Variants in MBNL3 observed in about 807,000 individuals in gnomAD.
The protein encoded by MBNL3 is muscleblind like splicing regulator 3.
Under a neutral mutation model 24.5 loss-of-function variants are expected in MBNL3, and 6 were observed. The ratio of observed to expected loss-of-function variants is 0.25; its 90% CI spans 0.13 to 0.48. MBNL3 has a LOEUF of 0.48. Ranked by LOEUF, MBNL3 falls within the 20% of genes least tolerant of loss-of-function variation. The pLI is 0.99. For synonymous variants in MBNL3, 100 were observed against 101.7 expected, an observed-to-expected ratio of 0.98 and a Z score of 0.10; for missense variants, 230 against 293.5, an observed-to-expected ratio of 0.78 and a Z score of 1.58.
At position 132,465,091 on chromosome X, in the gene MBNL3, A is replaced by G. The variant is rs184180104; in HGVS notation, c.-704+23760T>C. Among the ~76,000 whole-genome samples the G allele has an allele frequency of 2.9e-3, 325 of 111,414 alleles. 2 individuals carry two copies. Among genetic ancestry groups the G allele is most frequent in the African/African-American group, 0.01 (317 of 30,673 alleles). On this transcript the variant is annotated intron_variant, in intron 1 of 8. Transcript: ENST00000370853. ...AAAACTTTTTAAAAAGGGAAGTAAA[A>G]CAGACTTTTTGGTGCTAAGCACATA...
chrX:132,425,861 G>A (rs1213281017), intron 2 of MBNL3, among the ~76,000 whole-genome samples: 1 of 111,941 alleles, frequency 8.9e-6, no homozygotes, highest in Non-Finnish European at 1.9e-5. Flanking sequence ...CACTGAAAAT[G>A]TAACAGTTGG....
rs375232535 is a variant in MBNL3 at position 132,450,063 on chromosome X, A to C, written c.-703-9749T>G. Reference sequence around the variant, plus strand: ...GTCTGATGGGCTTCCCTTTGCGGGTAACCCGACCTTTCTCTTTGGCTGCCC... The same window carrying C: ...GTCTGATGGGCTTCCCTTTGCGGGTCACCCGACCTTTCTCTTTGGCTGCCC... On this transcript the variant is annotated intron_variant, in intron 1 of 8. Coordinates refer to ENST00000370853, the MANE Select transcript of MBNL3 (RefSeq NM_001386889.1). Among the ~76,000 whole-genome samples, 16 of 94,150 alleles carry C rather than the reference A, an allele frequency of 1.7e-4. No homozygotes were observed. In the East Asian group the frequency reaches 2.1e-3, roughly 12 times the overall value. The allele number at this position is 94,150 out of a possible 115,157, so 81.8% of individuals were successfully genotyped here.
At chrX:132,390,504 A>T (rs1937022004) in intron 5 of MBNL3, among the ~76,000 whole-genome samples, 1 of 110,744 alleles carries the variant, frequency 9.0e-6, no homozygotes, top group Admixed American at 9.7e-5. Context: ...CACAGAGCAG[A>T]GGCAACTTTC....
chrX:132,449,460 C>T lies in MBNL3; in HGVS notation c.-703-9146G>A, dbSNP rs1167434369. 6.6e-5 allele frequency among the ~76,000 whole-genome samples: 5 copies of T among 75,496 alleles called. No homozygotes were observed. The East Asian group carries it at 2.0e-3, about 30-fold the overall frequency. The allele number at this position is 75,496 out of a possible 115,157, so 65.6% of individuals were successfully genotyped here. On this transcript the variant is annotated intron_variant, in intron 1 of 8. Coordinates refer to ENST00000370853, the MANE Select transcript of MBNL3 (RefSeq NM_001386889.1). Reference sequence around the variant, plus strand: ...TTTATCAGAGACTAGGATTGCAACCCCTGCTTTTTTTTTTTTTTTTTTTTT... The same window carrying T: ...TTTATCAGAGACTAGGATTGCAACCTCTGCTTTTTTTTTTTTTTTTTTTTT...
rs758555709 is a variant in MBNL3, at chrX:132,396,959, CATATATATATGAAT to C, written c.343-4639_343-4626del. Among the ~76,000 whole-genome samples, 1,154 of 72,976 alleles carry C rather than the reference CATATATATATGAAT, an allele frequency of 0.016. 86 individuals carry two copies. In the Admixed American group the frequency reaches 0.16, roughly 10 times the overall value. 63.4% of individuals were successfully genotyped at this position (72,976 alleles called of 115,157 possible). The stretch of plus-strand genomic sequence containing the variant: ...ATTCATATATATATTCATATATATT[CATATATATATGAAT>C]ATATATGAATATATATGTATATGAA... On this transcript the variant is annotated intron_variant, in intron 3 of 8. Transcript: ENST00000370853.
At chrX:132,440,875 C>T (rs372508951) in intron 1 of MBNL3, among the ~76,000 whole-genome samples, 8 of 112,639 alleles carry the variant, frequency 7.1e-5, no homozygotes, top group African/African-American at 1.6e-4. Context: ...ATAGCATTAA[C>T]GCAAAAGTGA....
At chrX:132,455,894 C>T (rs1255032385) in intron 1 of MBNL3, among the ~76,000 whole-genome samples, 1 of 112,014 alleles carries the variant, frequency 8.9e-6, no homozygotes, top group African/African-American at 3.2e-5. Context: ...AATTTCAACA[C>T]AACTGCCGTG....
At chrX:132,400,750 A>C (rs1384247938) in intron 3 of MBNL3, among the ~76,000 whole-genome samples, 1 of 111,475 alleles carries the variant, frequency 9.0e-6, no homozygotes, top group African/African-American at 3.3e-5. Flanking sequence ...TAAAAGTAAA[A>C]TTTTGTCTAA....
chrX:132,433,206 C>T (rs1448063268), intron 2 of MBNL3, among the ~76,000 whole-genome samples: 1 of 111,921 alleles, frequency 8.9e-6, no homozygotes, highest in Non-Finnish European at 1.9e-5. Context: ...CAGCCTGCTA[C>T]CAACTGGCCA....
intron 6 of MBNL3, 132 bp downstream of exon 6, chrX:132,386,529 A>G: frequency 1.4e-6 from 1 of 713,055 alleles, no homozygotes; most frequent in Non-Finnish European, 2.0e-6. Flanking sequence ...GATAAGCATA[A>G]CTTCCTTGTT....
At chrX:132,443,481 A>C (rs185346375) in intron 1 of MBNL3, among the ~76,000 whole-genome samples, 1 of 111,871 alleles carries the variant, frequency 8.9e-6, no homozygotes, top group East Asian at 2.8e-4. Flanking sequence ...CATTTTCATA[A>C]TCTCCGTAAG....
At chrX:132,401,637 A>G (rs1366077573) in intron 3 of MBNL3, among the ~76,000 whole-genome samples, 2 of 110,025 alleles carry the variant, frequency 1.8e-5, no homozygotes, top group Non-Finnish European at 3.8e-5. Context: ...TAAAAAGTAA[A>G]TAAATATTTT....
intron 3 of MBNL3, among the ~76,000 whole-genome samples, chrX:132,401,280 CTCT>C (rs1940869309): frequency 9.0e-6 from 1 of 110,645 alleles, no homozygotes; most frequent in Non-Finnish European, 1.9e-5. Flanking sequence ...AATATTTGTC[CTCT>C]TGTTTTCAAG....
At chrX:132,402,164 A>G (rs777856937) in intron 3 of MBNL3, among the ~76,000 whole-genome samples, 80 of 111,611 alleles carry the variant, frequency 7.2e-4, no homozygotes, top group Non-Finnish European at 1.1e-3. Context: ...AACAATCTCT[A>G]TATAAATAAT....
intron 1 of MBNL3, among the ~76,000 whole-genome samples, chrX:132,463,199 T>C (rs1454767713): frequency 8.9e-6 from 1 of 112,548 alleles, no homozygotes; most frequent in African/African-American, 3.2e-5. Flanking sequence ...CCGTGGCTCA[T>C]GCCTGTAATC....
At chrX:132,426,093 T>C (rs1475061971) in intron 2 of MBNL3, among the ~76,000 whole-genome samples, 1 of 111,951 alleles carries the variant, frequency 8.9e-6, no homozygotes, top group Non-Finnish European at 1.9e-5. Context: ...TGTGTACCTC[T>C]CAGTTGAGCC....
At chrX:132,431,655 C>G (rs1944746224) in intron 2 of MBNL3, 1 of 111,727 alleles carries the variant, frequency 9.0e-6, no homozygotes, top group South Asian at 3.8e-4. Flanking sequence ...GATGTGGGTA[C>G]TAAGTATACT....
intron 1 of MBNL3, among the ~76,000 whole-genome samples, chrX:132,459,169 A>G (rs146029748): frequency 0.054 from 5,726 of 105,846 alleles, 148 homozygotes; most frequent in Middle Eastern, 0.088. Context: ...TGTGCACTAT[A>G]TAGTAGTTAC....
chrX:132,478,675 ACTGT>A (rs758202451), intron 1 of MBNL3, among the ~76,000 whole-genome samples: 7 of 112,475 alleles, frequency 6.2e-5, no homozygotes, highest in African/African-American at 9.7e-5. Flanking sequence ...ATATTTTCTT[ACTGT>A]CTATTTAATG....
Sources: gnomAD v4.1 joint callset for allele counts (sites outside exome capture counted in the v4.1 genomes callset) on GRCh38, gnomAD v4.1.1 for gene constraint, MANE v1.5 for transcripts, NCBI Gene and HGNC (gene_info 2026-07-23, HGNC 2026-07-21) for gene names.